Variants in ASPRV1 observed in about 807,000 individuals in gnomAD.
The protein encoded by ASPRV1 is retroviral-like aspartic protease 1.
ASPRV1 carries 7 observed loss-of-function variants against 11.0 expected under a neutral mutation model. That is an observed-to-expected ratio of 0.64 (90% CI 0.36 to 1.20). ASPRV1 has a LOEUF of 1.20. Ranked by LOEUF, ASPRV1 falls within the 50% of genes most tolerant of loss-of-function variation. ASPRV1 has a pLI of 0.02. For synonymous variants in ASPRV1, 136 were observed against 138.4 expected (o/e 0.98, Z 0.12); for missense variants, 299 against 320.0 (o/e 0.93, Z 0.50).
chr2:70,077,628 C>G, the ASPRV1 span, among the ~76,000 whole-genome samples: 1 of 150,452 alleles, frequency 6.6e-6, no homozygotes, highest in African/African-American at 2.5e-5. Context: ...CCGAGGTGGG[C>G]AGATCACCCG....
At chr2:70,007,169 G>A in the ASPRV1 span, among the ~76,000 whole-genome samples, 1 of 152,190 alleles carries the variant, frequency 6.6e-6, no homozygotes, top group African/African-American at 2.4e-5. Flanking sequence ...AAATACATGT[G>A]ACATATCCAT....
At chr2:70,054,607 A>AAAT in the ASPRV1 span, among the ~76,000 whole-genome samples, 2 of 145,528 alleles carry the variant, frequency 1.4e-5, no homozygotes, top group South Asian at 2.3e-4. Context: ...AATAAATAAT[A>AAAT]AAATAATAAG....
the ASPRV1 span, chr2:69,935,569 A>G: frequency 1.3e-6 from 1 of 749,738 alleles, no homozygotes; most frequent in Non-Finnish European, 2.4e-6. Context: ...CCTCCAGTCT[A>G]GCTATTGGAT....
the ASPRV1 span, among the ~76,000 whole-genome samples, chr2:70,001,698 T>C: frequency 6.6e-6 from 1 of 152,074 alleles, no homozygotes; most frequent in South Asian, 2.1e-4. Flanking sequence ...AGATGGAGGT[T>C]GCAGTGAGCC....
At chr2:70,079,658 G>A in the ASPRV1 span, among the ~76,000 whole-genome samples, 1 of 152,214 alleles carries the variant, frequency 6.6e-6, no homozygotes, top group African/African-American at 2.4e-5. Flanking sequence ...GAAGACAAGT[G>A]AAGCTAGGGT....
At chr2:70,008,207 T>G in the ASPRV1 span, among the ~76,000 whole-genome samples, 1 of 152,130 alleles carries the variant, frequency 6.6e-6, no homozygotes. Context: ...TTTCCGCTGC[T>G]GTGGAAAATT....
At chr2:70,076,309 A>G in the ASPRV1 span, among the ~76,000 whole-genome samples, 34,415 of 152,222 alleles carry the variant, frequency 0.23, 6,961 homozygotes, top group African/African-American at 0.51. Flanking sequence ...GTGCAAACTA[A>G]TTCCGTCATT....
At chr2:69,999,927 GT>G in the ASPRV1 span, among the ~76,000 whole-genome samples, 1 of 151,830 alleles carries the variant, frequency 6.6e-6, no homozygotes, top group African/African-American at 2.4e-5. Flanking sequence ...CCACATCTTG[GT>G]CCCCTCTCTC....
At chr2:70,014,564 GC>G in the ASPRV1 span, 1 of 152,146 alleles carries the variant, frequency 6.6e-6, no homozygotes. Flanking sequence ...ACTTTGGGAG[GC>G]TGAGGCAGAC....
chr2:70,076,625 A>G, the ASPRV1 span, among the ~76,000 whole-genome samples: 1 of 152,244 alleles, frequency 6.6e-6, no homozygotes, highest in Non-Finnish European at 1.5e-5. Flanking sequence ...TGATACACTT[A>G]GCCTACCAAA....
the ASPRV1 span, among the ~76,000 whole-genome samples, chr2:70,059,166 C>T: frequency 6.6e-6 from 1 of 151,896 alleles, no homozygotes; most frequent in African/African-American, 2.4e-5. Flanking sequence ...GCTGGGATTA[C>T]AGGCGTGAGC....
upstream of ASPRV1, chr2:69,961,666 A>G (rs1400526536): frequency 9.0e-6 from 14 of 1,555,666 alleles, no homozygotes; most frequent in Non-Finnish European, 1.2e-5. Context: ...TTTGATGCCT[A>G]GGCTGGCCCC....
the ASPRV1 span, among the ~76,000 whole-genome samples, chr2:70,036,852 T>A: frequency 6.6e-6 from 1 of 152,230 alleles, no homozygotes; most frequent in South Asian, 2.1e-4. Context: ...TTTTAAATGC[T>A]GTTGTGGCTG....
chr2:70,073,148 A>G, the ASPRV1 span: 1 of 152,194 alleles, frequency 6.6e-6, no homozygotes, highest in Non-Finnish European at 1.5e-5. Context: ...TCCCCTATTA[A>G]TGGAGGTATT....
At chr2:70,014,037 C>T in the ASPRV1 span, among the ~76,000 whole-genome samples, 1 of 152,116 alleles carries the variant, frequency 6.6e-6, no homozygotes, top group African/African-American at 2.4e-5. Flanking sequence ...GTTAAAACCA[C>T]TAAATAAAAG....
the ASPRV1 span, chr2:69,995,282 G>C: frequency 6.8e-6 from 1 of 148,126 alleles, no homozygotes; most frequent in African/African-American, 2.5e-5. Context: ...CCAGCTACTC[G>C]GGAGGCTGAG....
upstream of ASPRV1, among the ~76,000 whole-genome samples, chr2:69,965,981 C>A (rs969695914): frequency 6.6e-6 from 1 of 152,248 alleles, no homozygotes; most frequent in African/African-American, 2.4e-5. Flanking sequence ...TTGCCCCTAG[C>A]TCAGAACCCC....
chr2:70,065,999 G>A, the ASPRV1 span, among the ~76,000 whole-genome samples: 8 of 152,160 alleles, frequency 5.3e-5, no homozygotes, highest in Admixed American at 1.3e-4. Flanking sequence ...CTTGAGGCCA[G>A]GAGGTCGAGA....
the ASPRV1 span, among the ~76,000 whole-genome samples, chr2:70,080,046 AT>A: frequency 2.0e-5 from 3 of 151,840 alleles, no homozygotes; most frequent in African/African-American, 7.2e-5. Flanking sequence ...ATTTAAATGT[AT>A]TTTTTTTGTT....
Sources: gnomAD v4.1 joint callset for allele counts (sites outside exome capture counted in the v4.1 genomes callset) on GRCh38, gnomAD v4.1.1 for gene constraint, MANE v1.5 for transcripts, NCBI Gene and HGNC (gene_info 2026-07-23, HGNC 2026-07-21) for gene names.